The following THSD7A variants were observed in gnomAD, a reference collection of about 807,000 sequenced individuals.
The protein encoded by THSD7A is thrombospondin type 1 domain containing 7A, also known as thrombospondin type-1 domain-containing protein 7A.
In THSD7A, 96 loss-of-function variants were observed where a neutral mutation model predicts 231.3. The observed-to-expected ratio is 0.41, with a 90% CI of 0.35 to 0.49. THSD7A has a LOEUF of 0.49. Among genes scored for constraint, THSD7A ranks in the 20% least tolerant of loss-of-function variants. The pLI is 0.05. For missense variants in THSD7A, 2,290 were observed against 2,070.2 expected (o/e 1.11, Z -2.06); for synonymous variants, 940 against 743.3 (o/e 1.26, Z -4.30).
intron 1 of THSD7A, among the ~76,000 whole-genome samples, chr7:11,743,652 G>A (rs1782182215): frequency 6.6e-6 from 1 of 151,626 alleles, no homozygotes; most frequent in East Asian, 2.0e-4. Flanking sequence ...ACTGAGTGGA[G>A]GAAAGTGATG....
At chr7:11,431,847 A>G (rs1784487254) in intron 13 of THSD7A, among the ~76,000 whole-genome samples, 1 of 152,078 alleles carries the variant, frequency 6.6e-6, no homozygotes, top group Admixed American at 6.6e-5. Context: ...ATTTCTTTCA[A>G]TGATGTTTTG....
chr7:11,678,138 G>A (rs943885421), intron 1 of THSD7A, among the ~76,000 whole-genome samples: 1 of 152,140 alleles, frequency 6.6e-6, no homozygotes, highest in Non-Finnish European at 1.5e-5. Context: ...TATGTTCTTT[G>A]AAACCAATGA....
chr7:11,551,989 A>G (rs1026225091), intron 4 of THSD7A, among the ~76,000 whole-genome samples: 1 of 151,970 alleles, frequency 6.6e-6, no homozygotes, highest in African/African-American at 2.4e-5. Flanking sequence ...GTGGTACAAA[A>G]AAAGAAAGAA....
chr7:11,724,843 T>C (rs1265412465), intron 1 of THSD7A, among the ~76,000 whole-genome samples: 1 of 151,950 alleles, frequency 6.6e-6, no homozygotes, highest in East Asian at 1.9e-4. Flanking sequence ...ATGAAATGCC[T>C]GCTGTGGAGG....
chr7:11,613,668 C>T (rs748032914), intron 2 of THSD7A, among the ~76,000 whole-genome samples: 9 of 152,228 alleles, frequency 5.9e-5, no homozygotes, highest in Non-Finnish European at 1.3e-4. Context: ...TGGATACAAT[C>T]ACTTCAAGTG....
At chr7:11,643,601 G>GCA (rs1164064234) in intron 1 of THSD7A, among the ~76,000 whole-genome samples, 4 of 98,602 alleles carry the variant, frequency 4.1e-5, no homozygotes, top group African/African-American at 1.2e-4. Flanking sequence ...ACACGCACGC[G>GCA]CGCACACACA....
intron 19 of THSD7A, among the ~76,000 whole-genome samples, chr7:11,408,857 C>T (rs1055005423): frequency 2.0e-5 from 3 of 152,126 alleles, no homozygotes; most frequent in Middle Eastern, 3.4e-3. Context: ...ATCACTCAAT[C>T]GAAGCCTCAT....
At chr7:11,794,950 A>G (rs1053196862) in intron 1 of THSD7A, among the ~76,000 whole-genome samples, 1 of 152,042 alleles carries the variant, frequency 6.6e-6, no homozygotes, top group Non-Finnish European at 1.5e-5. Context: ...GAAATAAATT[A>G]TATACTTTAT....
chr7:11,397,078 A>G (rs1415067763), intron 23 of THSD7A, among the ~76,000 whole-genome samples: 1 of 152,174 alleles, frequency 6.6e-6, no homozygotes, highest in Non-Finnish European at 1.5e-5. Context: ...ACAAAATTCA[A>G]CACCCCTTCA....
Position 11,370,406 on chromosome 7 carries a change from G to C in THSD7A, c.*5388C>G, listed in dbSNP as rs1278463463. 2 of 152,060 alleles carry C rather than the reference G, an allele frequency of 1.3e-5. No homozygotes were observed. The highest frequency in any genetic ancestry group is 2.4e-5 in the African/African-American group (1 of 41,384). 9.4% of individuals were successfully genotyped at this position (152,060 alleles called of 1,614,324 possible). A position where few individuals can be genotyped will look rare whatever the true frequency, so the allele number is the denominator to read the frequency against. On this transcript the variant is annotated 3_prime_UTR_variant, in exon 28 of 28. Transcript: ENST00000423059. The stretch of plus-strand genomic sequence containing the variant: ...TTTAATCCATATTTAAGAAGCAATT[G>C]GTGCAAATCAAAACACAGATACACA...
At chr7:11,647,380 G>T (rs1782322471) in intron 1 of THSD7A, among the ~76,000 whole-genome samples, 1 of 151,934 alleles carries the variant, frequency 6.6e-6, no homozygotes, top group Non-Finnish European at 1.5e-5. Context: ...GTATGTCTTG[G>T]CTCTTATGGC....
intron 6 of THSD7A, among the ~76,000 whole-genome samples, chr7:11,517,116 T>C (rs574605871): frequency 7.8e-4 from 119 of 152,316 alleles, no homozygotes; most frequent in African/African-American, 2.4e-3. Flanking sequence ...TCTCTCACCT[T>C]TGCCTGGGCT....
chr7:11,585,647 C>A (rs1269856491), intron 4 of THSD7A, among the ~76,000 whole-genome samples: 2 of 152,116 alleles, frequency 1.3e-5, no homozygotes, highest in Non-Finnish European at 2.9e-5. Context: ...CAAGTAAGAT[C>A]ATTCATTACC....
In THSD7A at chr7:11,521,383, G is replaced by T. The variant is rs574044438; in HGVS notation, c.1822+20036C>A. On this transcript the variant is annotated intron_variant, in intron 6 of 27. Transcript: ENST00000423059. ...AATTTTAAAGAAAAATTGCTAATTG[G>T]CCACTGTGATTTCTAATATAGAACT... 9.2e-5 allele frequency among the ~76,000 whole-genome samples: 14 copies of T among 151,940 alleles called. No individual in the cohort carries two copies. The East Asian group carries it at 1.2e-3, about 13-fold the overall frequency.
chr7:11,472,799 G>A (rs145857627), intron 8 of THSD7A, among the ~76,000 whole-genome samples: 37 of 152,258 alleles, frequency 2.4e-4, no homozygotes, highest in African/African-American at 7.7e-4. Flanking sequence ...GTGATTAACC[G>A]TGGGACAGGA....
At chr7:11,560,211 T>A (rs974965790) in intron 4 of THSD7A, among the ~76,000 whole-genome samples, 5 of 152,164 alleles carry the variant, frequency 3.3e-5, no homozygotes, top group Admixed American at 1.3e-4. Flanking sequence ...TTTATTTTTT[T>A]GAAAATGCAG....
At chr7:11,783,219 C>T (rs549709929) in intron 1 of THSD7A, among the ~76,000 whole-genome samples, 1 of 152,256 alleles carries the variant, frequency 6.6e-6, no homozygotes, top group African/African-American at 2.4e-5. Flanking sequence ...GCATTTAATA[C>T]ACCTGACCTG....
At chr7:11,522,838 G>GCA (rs1381868646) in intron 6 of THSD7A, among the ~76,000 whole-genome samples, 1 of 152,018 alleles carries the variant, frequency 6.6e-6, no homozygotes, top group Non-Finnish European at 1.5e-5. Flanking sequence ...TCAATTCATA[G>GCA]CACACATTTA....
chr7:11,552,573 G>A (rs1789676388), intron 4 of THSD7A, among the ~76,000 whole-genome samples: 2 of 152,092 alleles, frequency 1.3e-5, no homozygotes, highest in African/African-American at 4.8e-5. Flanking sequence ...CAGATAGTGA[G>A]GGTACAGAAG....
Sources: allele counts gnomAD v4.1 joint callset (sites outside exome capture counted in the v4.1 genomes callset), GRCh38; gene constraint gnomAD v4.1.1; transcripts MANE v1.5; gene names NCBI Gene and HGNC (gene_info 2026-07-23, HGNC 2026-07-21).